FBN2: variants seen among roughly 807,000 people sequenced by gnomAD.
FBN2 encodes the protein fibrillin-2.
FBN2 carries 105 observed loss-of-function variants against 355.6 expected under a neutral mutation model. The ratio of observed to expected loss-of-function variants is 0.30; its 90% CI spans 0.25 to 0.35. FBN2 has a LOEUF of 0.35. Among genes scored for constraint, FBN2 ranks in the 10% least tolerant of loss-of-function variants. FBN2 has a pLI of 1.00. For missense variants in FBN2, 3,280 were observed against 3,758.7 expected, an observed-to-expected ratio of 0.87 and a Z score of 3.33; for synonymous variants, 1,350 against 1,301.2, an observed-to-expected ratio of 1.04 and a Z score of -0.81.
intron 60 of FBN2, among the ~76,000 whole-genome samples, 179 bp from the exon 61 acceptor site, chr5:128,274,147 TATTTTAAGAGGTTTGAG>T (rs1328275339): frequency 6.6e-6 from 1 of 152,182 alleles, no homozygotes; most frequent in Non-Finnish European, 1.5e-5. Context: ...AGAAAAAGTG[TATTTTAAGAGGTTTGAG>T]ATTTGAGCAT....
chr5:128,349,376 G>A lies in FBN2; in HGVS notation c.2960C>T (p.Thr987Met), dbSNP rs753482534. 13 of 1,614,072 alleles carry A rather than the reference G, an allele frequency of 8.1e-6. No homozygotes were observed. The South Asian group carries it at 8.8e-5, about 11-fold the overall frequency. Reference sequence around the variant, plus strand: ...ACATACACGGCCAGTCCCATCCAACGTAAGGCCTTCAGGGCACTCGCAATG... The same window carrying A: ...ACATACACGGCCAGTCCCATCCAACATAAGGCCTTCAGGGCACTCGCAATG... The part of the protein sequence containing the change: ...SFHCECPEGL[T>M]LDGTGRVCLD... Residue 987 changes from threonine to methionine, a missense_variant, in exon 23 of 65, where the codon ACG becomes ATG. Coordinates refer to ENST00000262464, the MANE Select transcript of FBN2 (RefSeq NM_001999.4).
chr5:128,302,642 T>C (rs902362447), intron 46 of FBN2, among the ~76,000 whole-genome samples: 2 of 152,152 alleles, frequency 1.3e-5, no homozygotes, highest in Non-Finnish European at 2.9e-5. Flanking sequence ...ATTGAGACAA[T>C]GAAGGGTCTA....
rs139656801 is a variant in FBN2 at position 128,505,134 on chromosome 5, G to A, written c.628+14139C>T. 2.0e-4 allele frequency among the ~76,000 whole-genome samples: 30 copies of A among 152,286 alleles called. No individual in the cohort carries two copies. In the East Asian group the frequency reaches 5.8e-3, roughly 29 times the overall value. ...TGAGGCCTCCCAGCCATGTGGAACT[G>A]TGTGTCAATTAAACCTCTTTCCTTT... On this transcript the variant is annotated intron_variant, in intron 5 of 64. Transcript: ENST00000262464.
intron 2 of FBN2, among the ~76,000 whole-genome samples, chr5:128,533,564 C>T (rs914231702): frequency 1.3e-5 from 2 of 152,110 alleles, no homozygotes; most frequent in Admixed American, 6.6e-5. Flanking sequence ...AGTCACATGG[C>T]CAGGTAAAGA....
intron 5 of FBN2, among the ~76,000 whole-genome samples, chr5:128,502,337 A>G (rs1198156809): frequency 6.6e-6 from 1 of 152,176 alleles, no homozygotes; most frequent in Non-Finnish European, 1.5e-5. Context: ...CATCCAGGAA[A>G]AAACAGCAAG....
At chr5:128,304,322 G>A (rs545103635) in intron 45 of FBN2, among the ~76,000 whole-genome samples, 1 of 152,288 alleles carries the variant, frequency 6.6e-6, no homozygotes, top group African/African-American at 2.4e-5. Flanking sequence ...ATGGCATCCA[G>A]CCCATCTGTC....
chr5:128,440,140 T>C (rs1753879586), intron 7 of FBN2, among the ~76,000 whole-genome samples: 1 of 152,226 alleles, frequency 6.6e-6, no homozygotes, highest in African/African-American at 2.4e-5. Context: ...TAACATGTTT[T>C]AGTATCTAAA....
chr5:128,299,879 G>T (rs937191235), intron 48 of FBN2, among the ~76,000 whole-genome samples: 14 of 151,894 alleles, frequency 9.2e-5, no homozygotes, highest in African/African-American at 3.1e-4. Context: ...TTCTCACTGA[G>T]ATGATTCTAG....
chr5:128,430,552 A>C (rs1753591836), intron 7 of FBN2, among the ~76,000 whole-genome samples: 1 of 152,174 alleles, frequency 6.6e-6, no homozygotes, highest in South Asian at 2.1e-4. Flanking sequence ...ATATTGAAAA[A>C]ATAAAATACA....
In FBN2 at chr5:128,391,904, G is replaced by T. The variant is rs1302333057; in HGVS notation, c.1603+114C>A. On this transcript the variant is annotated intron_variant, in intron 11 of 64. Coordinates refer to ENST00000262464, the MANE Select transcript of FBN2 (RefSeq NM_001999.4). ...GCATACACACAGAAGAGACAGTTTG[G>T]AAATTAGCTGTATTTCAAAAGACTT... 3.2e-6 allele frequency: 3 copies of T among 937,348 alleles called. No individual in the cohort carries two copies. In the East Asian group the frequency reaches 7.6e-5, roughly 24 times the overall value. 58.1% of individuals were successfully genotyped at this position (937,348 alleles called of 1,614,324 possible). A position where few individuals can be genotyped will look rare whatever the true frequency, so the allele number is the denominator to read the frequency against.
chr5:128,470,331 G>GT (rs1754825594), intron 5 of FBN2, among the ~76,000 whole-genome samples: 1 of 152,176 alleles, frequency 6.6e-6, no homozygotes, highest in Admixed American at 6.5e-5. Flanking sequence ...TTGCAGCCAC[G>GT]TTGGAGAGAG....
intron 15 of FBN2, among the ~76,000 whole-genome samples, chr5:128,370,705 T>C (rs2126949415): frequency 6.6e-6 from 1 of 152,248 alleles, no homozygotes; most frequent in Non-Finnish European, 1.5e-5. Context: ...CAAAGTTATT[T>C]CTGCTTTTGG....
Position 128,259,348 on chromosome 5 carries a change from C to A in FBN2, c.*107G>T. 1 of 1,354,658 alleles carries A rather than the reference C, an allele frequency of 7.4e-7. No individual in the cohort carries two copies. The highest frequency in any genetic ancestry group is 1.1e-6 in the Non-Finnish European group (1 of 947,122). 83.9% of individuals were successfully genotyped at this position (1,354,658 alleles called of 1,614,324 possible). A position where few individuals can be genotyped will look rare whatever the true frequency, so the allele number is the denominator to read the frequency against. On this transcript the variant is annotated 3_prime_UTR_variant, in exon 65 of 65. Coordinates refer to ENST00000262464, the MANE Select transcript of FBN2 (RefSeq NM_001999.4). ...AAGTCTAAGACAGGGAGGAAAGAAA[C>A]AAGAGTTATTATTATTTTTCCTCTT...
At chr5:128,439,607 A>C (rs1243382658) in intron 7 of FBN2, among the ~76,000 whole-genome samples, 1 of 152,038 alleles carries the variant, frequency 6.6e-6, no homozygotes, top group Non-Finnish European at 1.5e-5. Flanking sequence ...GATTTGTGGA[A>C]TCTCTTTGTA....
intron 34 of FBN2, among the ~76,000 whole-genome samples, chr5:128,326,782 C>G (rs909581925): frequency 6.6e-6 from 1 of 152,002 alleles, no homozygotes; most frequent in Non-Finnish European, 1.5e-5. Flanking sequence ...TACAGGTGTG[C>G]CAACCCTCAG....
intron 9 of FBN2, among the ~76,000 whole-genome samples, chr5:128,393,740 T>TA (rs1752580202): frequency 6.6e-6 from 1 of 152,264 alleles, no homozygotes; most frequent in Non-Finnish European, 1.5e-5. Context: ...TGTATGGTTT[T>TA]ACTTACATTC....
Position 128,318,888 on chromosome 5 carries a change from T to C in FBN2, c.4585A>G (p.Asn1529Asp), listed in dbSNP as rs1085307489. ...DGYELDRTGG[N>D]CTDIDECADP... Reference sequence around the variant, plus strand: ...TGGTAACTGACCATACCTGTACAGTTCCCTCCTGTTCTGTCCAATTCATAA... The same window carrying C: ...TGGTAACTGACCATACCTGTACAGTCCCCTCCTGTTCTGTCCAATTCATAA... Residue 1529 changes from asparagine (N) to aspartate (D), a missense_variant, in exon 35 of 65, where the codon AAC becomes GAC. This residue lies in a region of FBN2 where 2,284 missense variants were observed against 2,749.5 expected (regional missense o/e 0.83). Coordinates refer to ENST00000262464, the MANE Select transcript of FBN2 (RefSeq NM_001999.4). 6.2e-7 allele frequency: 1 copy of C among 1,613,328 alleles called. No homozygotes were observed. The highest frequency in any genetic ancestry group is 1.3e-5 in the African/African-American group (1 of 74,876).
rs548336029 is a variant in FBN2, at chr5:128,476,476, T to C, written c.629-11555A>G. Among the ~76,000 whole-genome samples the C allele has an allele frequency of 8.6e-5, 13 of 151,974 alleles. No homozygotes were observed. In the East Asian group the frequency reaches 2.5e-3, roughly 29 times the overall value. ...ATACAAAAGAAAGTAGAAGTAGTAA[T>C]AATCAATATCAGAATGGAATTCCAA... On this transcript the variant is annotated intron_variant, in intron 5 of 64. Coordinates refer to ENST00000262464, the MANE Select transcript of FBN2 (RefSeq NM_001999.4).
chr5:128,400,514 T>C (rs2126989180), intron 8 of FBN2, among the ~76,000 whole-genome samples: 1 of 152,298 alleles, frequency 6.6e-6, no homozygotes, highest in Admixed American at 6.5e-5. Flanking sequence ...TACAGTTGTT[T>C]GATCTAATGG....
Sources: gnomAD v4.1 joint callset for allele counts (sites outside exome capture counted in the v4.1 genomes callset) on GRCh38, gnomAD v4.1.1 for gene constraint, gnomAD v4.1.1 regional missense constraint, MANE v1.5 for transcripts, NCBI Gene and HGNC (gene_info 2026-07-23, HGNC 2026-07-21) for gene names.